Variants in PNLIPRP1 observed in about 807,000 individuals in gnomAD.
The protein encoded by PNLIPRP1 is inactive pancreatic lipase-related protein 1.
A neutral mutation model predicts 54.6 loss-of-function variants in PNLIPRP1; 57 were observed. That is an observed-to-expected ratio of 1.04 (90% CI 0.84 to 1.30). The LOEUF is 1.30. Ranked by LOEUF, PNLIPRP1 falls within the 50% of genes most tolerant of loss-of-function variation. The probability of loss-of-function intolerance (pLI) is 0.00; values close to 1 mark genes in which losing one functional copy is unlikely to be tolerated. For synonymous variants in PNLIPRP1, 232 were observed against 208.8 expected (o/e 1.11, Z -0.96); for missense variants, 567 against 568.5 (o/e 1.00, Z 0.03).
At chr10:116,604,225 T>G in intron 11 of PNLIPRP1, 87 bp downstream of exon 11, 1 of 655,504 alleles carries the variant, frequency 1.5e-6, no homozygotes, top group Non-Finnish European at 2.6e-6. Flanking sequence ...TATCATCTCT[T>G]TATATGTCAC....
At position 116,592,010 on chromosome 10, in the gene PNLIPRP1, C is replaced by T. The variant is rs1847648120; in HGVS notation, c.204+85C>T. 10 of 1,434,050 alleles carry T rather than the reference C, an allele frequency of 7.0e-6. No homozygotes were observed. The Admixed American group carries it at 1.6e-4, about 22-fold the overall frequency. 88.8% of individuals were successfully genotyped at this position (1,434,050 alleles called of 1,614,324 possible). A position where few individuals can be genotyped will look rare whatever the true frequency, so the allele number is the denominator to read the frequency against. ...GACCATGAATACCTTATCTCTGTGC[C>T]CTCTTCCTCCACCATGCCCCACCCC... On this transcript the variant is annotated intron_variant, in intron 3 of 12. Transcript: ENST00000358834.
chr10:116,597,385 C>G (rs1329290469), intron 6 of PNLIPRP1, among the ~76,000 whole-genome samples: 1 of 152,156 alleles, frequency 6.6e-6, no homozygotes, highest in Non-Finnish European at 1.5e-5. Flanking sequence ...GTGACATGCT[C>G]AAGGTCATGC....
At chr10:116,604,815 A>G (rs553817249) in intron 11 of PNLIPRP1, among the ~76,000 whole-genome samples, 1 of 150,786 alleles carries the variant, frequency 6.6e-6, no homozygotes, top group African/African-American at 2.4e-5. Context: ...CAGCCTCCCA[A>G]GTAGCTGAGA....
In PNLIPRP1 at chr10:116,609,078, G is replaced by C; in HGVS notation, c.1366G>C (p.Val456Leu). Reference sequence around the variant, plus strand: ...GTACAACTTCTGTAGCGAAGACACAGTGCGGGAAGACACGCTGCTCACCCT... The same window carrying C: ...GTACAACTTCTGTAGCGAAGACACACTGCGGGAAGACACGCTGCTCACCCT... ...TVYNFCSEDT[V>L]REDTLLTLTP... Residue 456 changes from valine (V) to leucine (L), a missense_variant, in exon 13 of 13, where the codon GTG becomes CTG. Physicochemically the swap from Val to Leu is conservative, Grantham distance 32. Transcript: ENST00000358834. The C allele has an allele frequency of 6.2e-7, 1 of 1,613,642 alleles. No homozygotes were observed. The highest frequency in any genetic ancestry group is 2.2e-5 in the East Asian group (1 of 44,876).
intron 5 of PNLIPRP1, chr10:116,595,793 G>A (rs1453291026): frequency 1.3e-5 from 2 of 158,364 alleles, no homozygotes; most frequent in Non-Finnish European, 2.8e-5. Context: ...GGGAGAGTAG[G>A]AGCTTTACAG....
intron 10 of PNLIPRP1, among the ~76,000 whole-genome samples, chr10:116,602,885 AAATG>A (rs1225232901): frequency 6.6e-6 from 1 of 151,938 alleles, no homozygotes; most frequent in East Asian, 1.9e-4. Flanking sequence ...GTGCGTGGTT[AAATG>A]TGTGTAGGTT....
At chr10:116,608,307 G>A (rs1425134591) in intron 12 of PNLIPRP1, among the ~76,000 whole-genome samples, 2 of 152,162 alleles carry the variant, frequency 1.3e-5, no homozygotes, top group Non-Finnish European at 2.9e-5. Flanking sequence ...TAGCTTCCCA[G>A]TTACTAACTA....
intron 10 of PNLIPRP1, among the ~76,000 whole-genome samples, chr10:116,602,501 C>T (rs553290239): frequency 6.6e-5 from 10 of 152,276 alleles, no homozygotes; most frequent in East Asian, 3.9e-4. Context: ...GATGCAGGGA[C>T]GAACAAGAGA....
At chr10:116,608,562 C>A (rs1847974677) in intron 12 of PNLIPRP1, among the ~76,000 whole-genome samples, 1 of 152,250 alleles carries the variant, frequency 6.6e-6, no homozygotes, top group Non-Finnish European at 1.5e-5. Context: ...AGTTTCCTCT[C>A]CTGTAATGTA....
chr10:116,601,349 AG>A, intron 10 of PNLIPRP1, 148 bp downstream of exon 10: 1 of 735,928 alleles, frequency 1.4e-6, no homozygotes, highest in Non-Finnish European at 2.2e-6. Flanking sequence ...TGCAGTTACA[AG>A]TAAACTGAGG....
At chr10:116,602,616 C>T (rs555564471) in intron 10 of PNLIPRP1, among the ~76,000 whole-genome samples, 1 of 152,278 alleles carries the variant, frequency 6.6e-6, no homozygotes, top group South Asian at 2.1e-4. Context: ...GGACAGAGAA[C>T]CTGGCCCTGA....
chr10:116,598,153 T>C lies in PNLIPRP1; in HGVS notation c.801T>C (p.Asp267=). 6.2e-7 allele frequency: 1 copy of C among 1,613,762 alleles called. No homozygotes were observed. Among genetic ancestry groups the C allele is most frequent in the Non-Finnish European group, 8.5e-7 (1 of 1,179,866 alleles). The change falls in exon 8 of 13, where the codon GAT becomes GAC. Residue 267 remains aspartate (D), a synonymous_variant. Transcript: ENST00000358834. ...KNALSQIVDL[D]GIWAGTRDFV... is the part of the protein sequence containing the mutation. ...CCCTGTCTCAGATCGTGGATCTAGA[T>C]GGCATCTGGGCGGGTAAAGTCATGG...
At position 116,598,279 on chromosome 10, in the gene PNLIPRP1, T is replaced by A. The variant is rs562704658; in HGVS notation, c.814+113T>A. On this transcript the variant is annotated intron_variant, in intron 8 of 12. Transcript: ENST00000358834. ...TGAAACTGTCTTTAAAAATATACAA[T>A]TCCCTCTTCTGGGGATTATTTCAGA... 30 of 997,090 alleles carry A rather than the reference T, an allele frequency of 3.0e-5. No homozygotes were observed. In the African/African-American group the frequency reaches 4.7e-4, roughly 16 times the overall value. 61.8% of individuals were successfully genotyped at this position (997,090 alleles called of 1,614,324 possible). A position where few individuals can be genotyped will look rare whatever the true frequency, so the allele number is the denominator to read the frequency against.
intron 11 of PNLIPRP1, among the ~76,000 whole-genome samples, chr10:116,605,055 C>A (rs782008557): frequency 1.3e-5 from 2 of 152,068 alleles, no homozygotes; most frequent in Non-Finnish European, 2.9e-5. Flanking sequence ...ATGCTGTTTT[C>A]TGATTAGTGC....
chr10:116,594,097 T>C (rs1847691357), intron 4 of PNLIPRP1, among the ~76,000 whole-genome samples: 1 of 152,200 alleles, frequency 6.6e-6, no homozygotes, highest in Non-Finnish European at 1.5e-5. Flanking sequence ...AAATTTATAG[T>C]ACCATTTTAA....
intron 4 of PNLIPRP1, among the ~76,000 whole-genome samples, chr10:116,593,447 C>G (rs920232238): frequency 3.9e-5 from 6 of 152,178 alleles, no homozygotes; most frequent in Non-Finnish European, 7.3e-5. Flanking sequence ...ACCCCAGGAG[C>G]CTGCCTTCCA....
intron 8 of PNLIPRP1, among the ~76,000 whole-genome samples, chr10:116,599,209 C>T (rs1847787527): frequency 6.9e-6 from 1 of 145,402 alleles, no homozygotes; most frequent in Non-Finnish European, 1.5e-5. Flanking sequence ...GAGCCGAGAC[C>T]ATGCCATTGC....
Position 116,609,138 on chromosome 10 carries a change from C to T in PNLIPRP1, c.*22C>T, listed in dbSNP as rs782662375. ...CTAAGCTCCCGGGGCGACGAGGCTG[C>T]TGCGTTCACACTAATAAAATCCACT... On this transcript the variant is annotated 3_prime_UTR_variant, in exon 13 of 13. Transcript: ENST00000358834. The T allele has an allele frequency of 1.9e-6, 3 of 1,576,902 alleles. No homozygotes were observed. Among genetic ancestry groups the T allele is most frequent in the Non-Finnish European group, 2.6e-6 (3 of 1,155,554 alleles).
chr10:116,605,330 A>G (rs2915753), intron 11 of PNLIPRP1, 56 bp from the exon 12 acceptor site: 595,419 of 944,636 alleles, frequency 0.63, 189,457 homozygotes, highest in Admixed American at 0.71. Context: ...CTGGCATTGT[A>G]TGGTAATTAG....
Sources: allele counts gnomAD v4.1 joint callset (sites outside exome capture counted in the v4.1 genomes callset), GRCh38; gene constraint gnomAD v4.1.1; transcripts MANE v1.5; gene names NCBI Gene and HGNC (gene_info 2026-07-23, HGNC 2026-07-21).